The following NRF1 variants were observed in gnomAD, a reference collection of about 807,000 sequenced individuals.
NRF1 encodes the protein nuclear respiratory factor 1, also known as alpha palindromic-binding protein.
In NRF1, 5 loss-of-function variants were observed where a neutral mutation model predicts 58.5. That is an observed-to-expected ratio of 0.09 (90% CI 0.04 to 0.18). NRF1 has a LOEUF of 0.18. NRF1 is among the 10% of genes least tolerant of loss of function. The pLI is 1.00. For synonymous variants in NRF1, 224 were observed against 246.7 expected, an observed-to-expected ratio of 0.91 and a Z score of 0.86; for missense variants, 288 against 657.7, an observed-to-expected ratio of 0.44 and a Z score of 6.15.
chr7:129,669,153 G>A (rs1421701913), intron 2 of NRF1, among the ~76,000 whole-genome samples: 1 of 152,066 alleles, frequency 6.6e-6, no homozygotes, highest in Non-Finnish European at 1.5e-5. Flanking sequence ...CACCATATTG[G>A]CCAGGCTGGT....
intron 2 of NRF1, among the ~76,000 whole-genome samples, chr7:129,669,312 C>A (rs1392046855): frequency 6.6e-6 from 1 of 152,084 alleles, no homozygotes; most frequent in Non-Finnish European, 1.5e-5. Context: ...GATTTGTATA[C>A]TTCACTATAT....
intron 1 of NRF1, among the ~76,000 whole-genome samples, chr7:129,651,065 A>C (rs1801523032): frequency 6.6e-6 from 1 of 152,040 alleles, no homozygotes; most frequent in African/African-American, 2.4e-5. Context: ...TAAGTATCCC[A>C]CTCTAGTTAA....
At chr7:129,666,716 G>T (rs1801931653) in intron 2 of NRF1, among the ~76,000 whole-genome samples, 1 of 152,112 alleles carries the variant, frequency 6.6e-6, no homozygotes, top group South Asian at 2.1e-4. Context: ...ATTTTTAGTA[G>T]AGATGGGGTT....
chr7:129,646,862 G>T (rs1801416764), intron 1 of NRF1, among the ~76,000 whole-genome samples: 1 of 152,098 alleles, frequency 6.6e-6, no homozygotes, highest in Non-Finnish European at 1.5e-5. Context: ...GAGATAAACA[G>T]CAAGCATAAC....
intron 1 of NRF1, among the ~76,000 whole-genome samples, chr7:129,644,776 A>G (rs1801368027): frequency 2.0e-5 from 3 of 152,204 alleles, no homozygotes. Context: ...CGGCAAGCCA[A>G]AATTCCCCAT....
intron 5 of NRF1, among the ~76,000 whole-genome samples, chr7:129,706,642 G>A (rs1314449199): frequency 6.6e-6 from 1 of 152,138 alleles, no homozygotes; most frequent in Non-Finnish European, 1.5e-5. Flanking sequence ...AAGTGAAGAG[G>A]CTGATGCTGA....
chr7:129,683,490 C>T lies in NRF1; in HGVS notation c.465+5732C>T, dbSNP rs559610810. 2.6e-3 allele frequency among the ~76,000 whole-genome samples: 390 copies of T among 150,630 alleles called. 1 individual carries two copies. Among genetic ancestry groups the T allele is most frequent in the Admixed American group, 5.4e-3 (82 of 15,114 alleles). ...GATTACAGGTGCGTGCCACCATGCC[C>T]GGCTATTTTTTATGTTTTTACTAGA... On this transcript the variant is annotated intron_variant, in intron 4 of 10. Coordinates refer to ENST00000393232, the MANE Select transcript of NRF1 (RefSeq NM_005011.5).
intron 1 of NRF1, among the ~76,000 whole-genome samples, chr7:129,619,394 G>GTATATA (rs1491213050): frequency 2.1e-5 from 1 of 46,632 alleles, no homozygotes; most frequent in Non-Finnish European, 3.7e-5. Flanking sequence ...CTTGGCATAC[G>GTATATA]TGTATATATA....
intron 1 of NRF1, among the ~76,000 whole-genome samples, chr7:129,629,425 C>A (rs1800998780): frequency 1.3e-5 from 2 of 152,106 alleles, no homozygotes; most frequent in African/African-American, 4.8e-5. Context: ...TTACAGCTGC[C>A]ACCACACGCC....
intron 10 of NRF1, among the ~76,000 whole-genome samples, chr7:129,748,677 TGATGG>T (rs72335148): frequency 0.13 from 19,743 of 152,236 alleles, 1,593 homozygotes; most frequent in Admixed American, 0.23. Flanking sequence ...GTAATGTTTT[TGATGG>T]GATGGGATGG....
In NRF1 at chr7:129,627,001, G is replaced by A. The variant is rs943338457; in HGVS notation, c.-7+15177G>A. The stretch of plus-strand genomic sequence containing the variant: ...AAATATTCAAACTAACTAGGTTAGT[G>A]TGGTTTCTAATAAGTATTACATGCA... On this transcript the variant is annotated intron_variant, in intron 1 of 10. Coordinates refer to ENST00000393232, the MANE Select transcript of NRF1 (RefSeq NM_005011.5). Among the ~76,000 whole-genome samples the A allele has an allele frequency of 3.9e-5, 6 of 152,232 alleles. No homozygotes were observed. The East Asian group carries it at 9.6e-4, about 24-fold the overall frequency.
At chr7:129,666,079 T>G (rs778532113) in intron 2 of NRF1, among the ~76,000 whole-genome samples, 3 of 152,262 alleles carry the variant, frequency 2.0e-5, no homozygotes, top group South Asian at 2.1e-4. Context: ...TAGAAAATAC[T>G]TGAATATTTG....
intron 4 of NRF1, among the ~76,000 whole-genome samples, chr7:129,684,813 A>G (rs1802408612): frequency 6.6e-6 from 1 of 152,328 alleles, no homozygotes; most frequent in East Asian, 1.9e-4. Context: ...ATTTAACACT[A>G]TTGGATACAA....
chr7:129,733,252 G>A (rs1803625996), intron 10 of NRF1, among the ~76,000 whole-genome samples: 1 of 152,070 alleles, frequency 6.6e-6, no homozygotes, highest in Non-Finnish European at 1.5e-5. Context: ...TGGATCATGA[G>A]GTCAGGAGAT....
rs183994891 is a variant in NRF1 at position 129,681,967 on chromosome 7, A to G, written c.465+4209A>G. Among the ~76,000 whole-genome samples the G allele has an allele frequency of 4.6e-5, 7 of 151,342 alleles. No homozygotes were observed. The East Asian group carries it at 1.4e-3, about 30-fold the overall frequency. ...CATACTGGCCCACATCTGTACTCCC[A>G]GCTACTTGGGAGGCTGAGGCAGGAG... On this transcript the variant is annotated intron_variant, in intron 4 of 10. Coordinates refer to ENST00000393232, the MANE Select transcript of NRF1 (RefSeq NM_005011.5).
intron 1 of NRF1, among the ~76,000 whole-genome samples, chr7:129,639,919 A>G (rs1801252248): frequency 6.6e-6 from 1 of 152,194 alleles, no homozygotes; most frequent in Non-Finnish European, 1.5e-5. Context: ...ATAGTTAGCT[A>G]AACAATTTAA....
intron 10 of NRF1, among the ~76,000 whole-genome samples, chr7:129,742,413 T>G (rs1235807962): frequency 1.3e-5 from 2 of 151,918 alleles, no homozygotes; most frequent in Non-Finnish European, 2.9e-5. Flanking sequence ...TCAGATTGGC[T>G]CGCTAGAGAG....
chr7:129,624,810 A>G (rs1207163605), intron 1 of NRF1, among the ~76,000 whole-genome samples: 1 of 151,930 alleles, frequency 6.6e-6, no homozygotes, highest in East Asian at 1.9e-4. Context: ...TACTGATTTT[A>G]CTCTGTTCTC....
At chr7:129,744,572 C>T (rs904902527) in intron 10 of NRF1, among the ~76,000 whole-genome samples, 1 of 152,060 alleles carries the variant, frequency 6.6e-6, no homozygotes, top group Non-Finnish European at 1.5e-5. Context: ...TTATAAAGAA[C>T]TTGTCCCCAT....
Sources: allele counts gnomAD v4.1 joint callset (sites outside exome capture counted in the v4.1 genomes callset), GRCh38; gene constraint gnomAD v4.1.1; transcripts MANE v1.5; gene names NCBI Gene and HGNC (gene_info 2026-07-23, HGNC 2026-07-21).